Variants in KDM5A observed in about 807,000 individuals in gnomAD.
KDM5A encodes lysine demethylase 5A, also known as lysine-specific demethylase 5A.
A neutral mutation model predicts 193.5 loss-of-function variants in KDM5A; 42 were observed. The ratio of observed to expected loss-of-function variants is 0.22; its 90% CI spans 0.17 to 0.28. The LOEUF (loss-of-function observed/expected upper bound fraction) is 0.28, where lower values mean the gene tolerates loss of function less well. Ranked by LOEUF, KDM5A falls within the 10% of genes least tolerant of loss-of-function variation. The pLI is 1.00. For missense variants in KDM5A, 1,692 were observed against 2,055.1 expected, an observed-to-expected ratio of 0.82 and a Z score of 3.42; for synonymous variants, 796 against 718.1, an observed-to-expected ratio of 1.11 and a Z score of -1.73.
chr12:380,305 C>T (rs1028464990), intron 3 of KDM5A, among the ~76,000 whole-genome samples: 1 of 151,046 alleles, frequency 6.6e-6, no homozygotes, highest in East Asian at 1.9e-4. Context: ...TCAGATTAAA[C>T]CTAAGGTTTA....
intron 13 of KDM5A, among the ~76,000 whole-genome samples, chr12:330,085 G>GTATATATATA (rs1555132314): frequency 1.4e-5 from 2 of 139,318 alleles, no homozygotes; most frequent in Non-Finnish European, 1.5e-5. Flanking sequence ...GTGTGTGTGT[G>GTATATATATA]TATATATATA....
chr12:289,222 T>C (rs1943257571), intron 27 of KDM5A, among the ~76,000 whole-genome samples: 1 of 152,134 alleles, frequency 6.6e-6, no homozygotes, highest in East Asian at 1.9e-4. Context: ...ATTAAATATT[T>C]ATTCTAATAC....
In KDM5A at chr12:328,869, T is replaced by A; in HGVS notation, c.1934A>T (p.Glu645Val). 6.2e-7 allele frequency: 1 copy of A among 1,614,170 alleles called. No homozygotes were observed. The highest frequency in any genetic ancestry group is 8.5e-7 in the Non-Finnish European group (1 of 1,180,044). Residue 645 changes from glutamate to valine, a missense_variant, in exon 14 of 28, where the codon GAA becomes GTA. Around this residue, in one of 11 missense-constraint regions of KDM5A, gnomAD observed 88 missense variants for 124.6 expected, o/e 0.71. Transcript: ENST00000399788. ...VCKELTLMTE[E>V]ETRLRESVVQ... ...AACAGACTCTCTTAATCGTGTTTCT[T>A]CTTCAGTCATGAGAGTCAATTCTTT...
intron 24 of KDM5A, among the ~76,000 whole-genome samples, chr12:304,224 A>G (rs1425676972): frequency 1.3e-5 from 2 of 152,138 alleles, no homozygotes; most frequent in East Asian, 3.8e-4. Context: ...GACTGATTTT[A>G]TTTTACTAAA....
intron 10 of KDM5A, among the ~76,000 whole-genome samples, chr12:346,685 A>C (rs1022336253): frequency 3.3e-5 from 5 of 152,226 alleles, no homozygotes; most frequent in African/African-American, 1.2e-4. Context: ...ATCTCAATAG[A>C]TGCAGAAAAG....
intron 3 of KDM5A, among the ~76,000 whole-genome samples, chr12:370,653 A>G (rs1027605125): frequency 3.3e-5 from 5 of 151,988 alleles, no homozygotes; most frequent in African/African-American, 1.2e-4. Flanking sequence ...AGGGTAGTAC[A>G]TGTGCACAAC....
At chr12:380,871 CT>C (rs1469824186) in intron 3 of KDM5A, among the ~76,000 whole-genome samples, 5 of 152,120 alleles carry the variant, frequency 3.3e-5, no homozygotes, top group Non-Finnish European at 5.9e-5. Flanking sequence ...TCTCAACTCA[CT>C]GCAACCTCTG....
chr12:309,249 T>A (rs571305671), intron 22 of KDM5A, among the ~76,000 whole-genome samples: 1 of 152,270 alleles, frequency 6.6e-6, no homozygotes, highest in African/African-American at 2.4e-5. Context: ...AATGCCACTG[T>A]CACTCACTAA....
intron 27 of KDM5A, among the ~76,000 whole-genome samples, chr12:290,928 C>T (rs557159321): frequency 3.2e-4 from 49 of 152,194 alleles, no homozygotes; most frequent in African/African-American, 1.2e-3. Context: ...TCCTACCTTG[C>T]TGCTAGTCTT....
intron 10 of KDM5A, among the ~76,000 whole-genome samples, chr12:337,166 G>T (rs942288846): frequency 1.3e-5 from 2 of 152,156 alleles, no homozygotes; most frequent in Non-Finnish European, 1.5e-5. Flanking sequence ...CATGTAAGAC[G>T]TGCCTGCTTA....
At position 297,043 on chromosome 12, in the gene KDM5A, T is replaced by C; in HGVS notation, c.4232A>G (p.Gln1411Arg). The change falls in exon 25 of 28, where the codon CAA becomes CGA. Residue 1411 changes from glutamine to arginine, a missense_variant and splice_region_variant. Transcript: ENST00000399788. Reference protein sequence around the residue: ...AYSSASKSCSQGSSTPRKQPR... With the variant: ...AYSSASKSCSRGSSTPRKQPR... ...ACAGTTTTTTAAAGGAGTAATACCT[T>C]GAGAACAACTCTTAGAAGCAGAAGA... 1 of 1,613,862 alleles carries C rather than the reference T, an allele frequency of 6.2e-7. No individual in the cohort carries two copies. The highest frequency in any genetic ancestry group is 8.5e-7 in the Non-Finnish European group (1 of 1,179,944).
chr12:323,758 T>C lies in KDM5A; in HGVS notation c.1992A>G (p.Glu664=). Residue 664 remains glutamate (E), a synonymous_variant, in exon 15 of 28, where the codon GAA becomes GAG. Coordinates refer to ENST00000399788, the MANE Select transcript of KDM5A (RefSeq NM_001042603.3). ...CATCATCAGGAACAAGTTCAAACAC[T>C]TCTTCTTCTGACATCAGGACACCCT... ...VQMGVLMSEE[E]VFELVPDDER... 1.2e-6 allele frequency: 2 copies of C among 1,613,764 alleles called. No homozygotes were observed. Among genetic ancestry groups the C allele is most frequent in the Non-Finnish European group, 1.7e-6 (2 of 1,179,682 alleles).
chr12:343,199 T>G (rs1396049967), intron 10 of KDM5A, among the ~76,000 whole-genome samples: 3 of 151,574 alleles, frequency 2.0e-5, no homozygotes, highest in Non-Finnish European at 2.9e-5. Context: ...ATCAATCTGC[T>G]GAGGCAGCAG....
At chr12:334,111 G>T in intron 11 of KDM5A, 130 bp downstream of exon 11, 2 of 839,486 alleles carry the variant, frequency 2.4e-6, no homozygotes, top group Non-Finnish European at 1.9e-6. Flanking sequence ...AAAGAAATAG[G>T]CCAAGGCTAG....
chr12:346,759 T>A lies in KDM5A; in HGVS notation c.1308+3862A>T, dbSNP rs146134460. ...CTCAATAAACGAGGTATTGATGGAA[T>A]GTATCTCAAAATAATAAGAGCTATT... is the stretch of plus-strand genomic sequence containing the variant. On this transcript the variant is annotated intron_variant, in intron 10 of 27. Coordinates refer to ENST00000399788, the MANE Select transcript of KDM5A (RefSeq NM_001042603.3). Among the ~76,000 whole-genome samples, 16 of 152,280 alleles carry A rather than the reference T, an allele frequency of 1.1e-4. No individual in the cohort carries two copies. In the East Asian group the frequency reaches 3.1e-3, roughly 29 times the overall value.
intron 24 of KDM5A, among the ~76,000 whole-genome samples, chr12:306,066 G>T (rs537247354): frequency 1.5e-3 from 216 of 146,674 alleles, no homozygotes; most frequent in Non-Finnish European, 2.2e-3. Context: ...GACCTCCTAG[G>T]CTCAAAGCAA....
intron 2 of KDM5A, 39 bp downstream of exon 2, chr12:385,858 G>C (rs369207350): frequency 6.6e-7 from 1 of 1,506,346 alleles, no homozygotes; most frequent in African/African-American, 1.4e-5. Context: ...CTAATATAAA[G>C]AATGAATCAG....
chr12:345,503 A>C (rs1005872972), intron 10 of KDM5A, among the ~76,000 whole-genome samples: 1 of 152,236 alleles, frequency 6.6e-6, no homozygotes, highest in Non-Finnish European at 1.5e-5. Flanking sequence ...AAAATTGACC[A>C]CATAATTGGA....
At chr12:287,905 T>C (rs1304089541) in intron 27 of KDM5A, among the ~76,000 whole-genome samples, 3 of 152,226 alleles carry the variant, frequency 2.0e-5, no homozygotes, top group African/African-American at 7.2e-5. Context: ...AAAATTCTCT[T>C]ACAAATAAGA....
Sources: gnomAD v4.1 joint callset for allele counts (sites outside exome capture counted in the v4.1 genomes callset) on GRCh38, gnomAD v4.1.1 for gene constraint, gnomAD v4.1.1 regional missense constraint, MANE v1.5 for transcripts, NCBI Gene and HGNC (gene_info 2026-07-23, HGNC 2026-07-21) for gene names.